SOHLH2: variants seen among roughly 807,000 people sequenced by gnomAD.
SOHLH2 encodes the protein spermatogenesis and oogenesis specific basic helix-loop-helix 2.
SOHLH2 carries 22 observed loss-of-function variants against 50.4 expected under a neutral mutation model. The ratio of observed to expected loss-of-function variants is 0.44; its 90% confidence interval spans 0.31 to 0.62. The LOEUF (loss-of-function observed/expected upper bound fraction) is 0.62. Ranked by LOEUF, SOHLH2 falls within the 20% of genes least tolerant of loss-of-function variation. SOHLH2 has a pLI of 0.08. For missense variants in SOHLH2, 412 were observed against 504.4 expected, an observed-to-expected ratio of 0.82 and a Z score of 1.76; for synonymous variants, 185 against 187.3, an observed-to-expected ratio of 0.99 and a Z score of 0.10.
chr13:36,178,446 T>G (rs2138274703), intron 6 of SOHLH2, among the ~76,000 whole-genome samples: 1 of 152,308 alleles, frequency 6.6e-6, no homozygotes, highest in Middle Eastern at 3.4e-3. Context: ...AATATGTGGA[T>G]CCAGTGCTGG....
intron 1 of SOHLH2, among the ~76,000 whole-genome samples, chr13:36,203,451 AATTG>A (rs1490538994): frequency 3.3e-5 from 5 of 152,188 alleles, no homozygotes; most frequent in African/African-American, 1.2e-4. Context: ...CGATGATGAC[AATTG>A]ATTGAGACAT....
intron 1 of SOHLH2, among the ~76,000 whole-genome samples, chr13:36,208,439 C>T (rs1043648640): frequency 2.8e-4 from 43 of 152,098 alleles, no homozygotes; most frequent in Admixed American, 2.8e-3. Flanking sequence ...CCACTTTGGC[C>T]GCCAAAATTT....
chr13:36,212,710 C>A (rs1869200227), intron 1 of SOHLH2, among the ~76,000 whole-genome samples: 1 of 152,038 alleles, frequency 6.6e-6, no homozygotes, highest in Admixed American at 6.6e-5. Context: ...CTAAAAAATT[C>A]AAAAAAGAAA....
At chr13:36,183,180 C>A in intron 6 of SOHLH2, 1 of 380,718 alleles carries the variant, frequency 2.6e-6, no homozygotes. Context: ...ACAGAAGCTG[C>A]TATGCTTCCT....
chr13:36,170,498 T>C, intron 10 of SOHLH2, 33 bp downstream of exon 10: 2 of 1,602,800 alleles, frequency 1.2e-6, no homozygotes, highest in Non-Finnish European at 1.7e-6. Flanking sequence ...AGTGAAAGGG[T>C]CCAATCTGAT....
Position 36,170,778 on chromosome 13 carries a change from C to G in SOHLH2, c.1010G>C (p.Ser337Thr). Residue 337 changes from serine to threonine, a missense_variant, in exon 10 of 11, where the codon AGC (serine) becomes ACC (threonine). Coordinates refer to ENST00000379881, the MANE Select transcript of SOHLH2 (RefSeq NM_017826.3). ...SLDEAVRVPS[S>T]SASENAIGDP... is the part of the protein sequence containing the mutation. ...ACCAATAGCATTCTCTGAGGCGGAG[C>G]TTGATGGAACTTTAATGAGAAAGAA... 6.2e-7 allele frequency: 1 copy of G among 1,611,838 alleles called. No homozygotes were observed. Among genetic ancestry groups the G allele is most frequent in the Admixed American group, 1.7e-5 (1 of 59,938 alleles).
Position 36,174,339 on chromosome 13 carries a change from G to A in SOHLH2, c.881+137C>T, listed in dbSNP as rs1275458414. The A allele has an allele frequency of 1.4e-5, 15 of 1,035,190 alleles. No individual in the cohort carries two copies. The East Asian group carries it at 3.2e-4, about 22-fold the overall frequency. 64.1% of individuals were successfully genotyped at this position (1,035,190 alleles called of 1,614,324 possible). A position where few individuals can be genotyped will look rare whatever the true frequency, so the allele number is the denominator to read the frequency against. On this transcript the variant is annotated intron_variant, in intron 8 of 10. Coordinates refer to ENST00000379881, the MANE Select transcript of SOHLH2 (RefSeq NM_017826.3). ...CACTGCAACGAAATGATACACATCG[G>A]CAATTAGAAAAGTTCGCTGACCCTT...
chr13:36,184,572 T>G (rs936511663), intron 6 of SOHLH2, among the ~76,000 whole-genome samples: 4 of 150,940 alleles, frequency 2.7e-5, no homozygotes, highest in Admixed American at 6.6e-5. Context: ...CCATTCTCCT[T>G]CCTCAGCCTC....
intron 6 of SOHLH2, 67 bp downstream of exon 6, chr13:36,189,879 A>T: frequency 7.0e-7 from 1 of 1,429,156 alleles, no homozygotes; most frequent in Non-Finnish European, 9.3e-7. Flanking sequence ...ACTACAAAAA[A>T]TTATAAAATT....
intron 10 of SOHLH2, among the ~76,000 whole-genome samples, chr13:36,169,885 T>C (rs1055214261): frequency 3.3e-5 from 5 of 152,166 alleles, no homozygotes; most frequent in African/African-American, 1.2e-4. Flanking sequence ...CTGATATATA[T>C]AGTGGGGCAC....
At chr13:36,201,200 A>C (rs1868400306) in intron 2 of SOHLH2, among the ~76,000 whole-genome samples, 1 of 152,144 alleles carries the variant, frequency 6.6e-6, no homozygotes, top group South Asian at 2.1e-4. Context: ...CCCAGCTAAC[A>C]GGACAGAGAG....
At chr13:36,210,028 A>G (rs911025849) in intron 1 of SOHLH2, among the ~76,000 whole-genome samples, 3 of 152,184 alleles carry the variant, frequency 2.0e-5, no homozygotes, top group Non-Finnish European at 2.9e-5. Context: ...TTCCTCCTGG[A>G]AAGAACTGCC....
At chr13:36,186,118 C>T (rs780976917) in intron 6 of SOHLH2, among the ~76,000 whole-genome samples, 10 of 151,830 alleles carry the variant, frequency 6.6e-5, no homozygotes, top group Non-Finnish European at 1.2e-4. Flanking sequence ...ATTATCTACA[C>T]CTTAAGACAA....
At chr13:36,189,425 G>C (rs1887514169) in intron 6 of SOHLH2, among the ~76,000 whole-genome samples, 1 of 152,084 alleles carries the variant, frequency 6.6e-6, no homozygotes, top group Non-Finnish European at 1.5e-5. Context: ...CATACATGCA[G>C]TTCCATAAAT....
rs774575237 is a variant in SOHLH2, at chr13:36,168,354, C to T, written c.*680G>A. 1 of 151,926 alleles carries T rather than the reference C, an allele frequency of 6.6e-6. No individual in the cohort carries two copies. Among genetic ancestry groups the T allele is most frequent in the South Asian group, 2.1e-4 (1 of 4,808 alleles). The allele number at this position is 151,926 out of a possible 1,614,324, so 9.4% of individuals were successfully genotyped here. ...CCCATAGGGAGGAAGAGATGAAAAA[C>T]AAAAAACCTGCTAGTCTGTAACTTA... On this transcript the variant is annotated 3_prime_UTR_variant, in exon 11 of 11. Coordinates refer to ENST00000379881, the MANE Select transcript of SOHLH2 (RefSeq NM_017826.3).
At chr13:36,212,611 T>C (rs74045241) in intron 1 of SOHLH2, among the ~76,000 whole-genome samples, 1,661 of 152,320 alleles carry the variant, frequency 0.011, 30 homozygotes, top group African/African-American at 0.038. Flanking sequence ...TGAACCAGTG[T>C]TAGGCTTCGT....
At chr13:36,185,244 G>A (rs909235912) in intron 6 of SOHLH2, among the ~76,000 whole-genome samples, 13 of 152,010 alleles carry the variant, frequency 8.6e-5, no homozygotes, top group African/African-American at 1.7e-4. Context: ...CGAGGTGGGC[G>A]GATCACGAGG....
chr13:36,200,390 G>T (rs1011613538), intron 2 of SOHLH2, among the ~76,000 whole-genome samples: 1 of 148,306 alleles, frequency 6.7e-6, no homozygotes, highest in Non-Finnish European at 1.5e-5. Flanking sequence ...ATGCAGACCA[G>T]TTGTTCTAAG....
chr13:36,188,503 C>T (rs1887488639), intron 6 of SOHLH2, among the ~76,000 whole-genome samples: 1 of 152,130 alleles, frequency 6.6e-6, no homozygotes, highest in South Asian at 2.1e-4. Flanking sequence ...TGCAATGGTG[C>T]TTCTTCTCTA....
Sources: allele counts gnomAD v4.1 joint callset (sites outside exome capture counted in the v4.1 genomes callset), GRCh38; gene constraint gnomAD v4.1.1; transcripts MANE v1.5; gene names NCBI Gene and HGNC (gene_info 2026-07-23, HGNC 2026-07-21).